The following ADAP1 variants were observed in gnomAD, a reference collection of about 807,000 sequenced individuals.
ADAP1 encodes the protein arf-GAP with dual PH domain-containing protein 1.
In ADAP1, 31 loss-of-function variants were observed where a neutral mutation model predicts 54.9. The ratio of observed to expected loss-of-function variants is 0.56; its 90% CI spans 0.42 to 0.76. The LOEUF (loss-of-function observed/expected upper bound fraction) is 0.76, where lower values mean the gene tolerates loss of function less well. ADAP1 is among the 30% of genes least tolerant of loss of function. ADAP1 has a pLI of 0.00. For synonymous variants in ADAP1, 313 were observed against 202.6 expected, an observed-to-expected ratio of 1.55 and a Z score of -4.63; for missense variants, 535 against 512.4, an observed-to-expected ratio of 1.04 and a Z score of -0.42.
intron 1 of ADAP1, among the ~76,000 whole-genome samples, chr7:942,408 G>T (rs1846970060): frequency 8.7e-6 from 1 of 114,620 alleles, no homozygotes. Context: ...AGGGAGAGAG[G>T]AGGAGGAAGG....
At chr7:935,116 C>T (rs1328618965) in intron 2 of ADAP1, 1 of 619,968 alleles carries the variant, frequency 1.6e-6, no homozygotes, top group Admixed American at 2.1e-5. Flanking sequence ...AATCGGCGAC[C>T]CGCCTTCGCT....
At position 898,828 on chromosome 7, in the gene ADAP1, A is replaced by G; in HGVS notation, c.*93T>C. Reference sequence around the variant, plus strand: ...GCTGCCCTGAGGAGCAGGTGGGGCCAGGTGGCCTCAGGACGCCAGAGCCCC... The same window carrying G: ...GCTGCCCTGAGGAGCAGGTGGGGCCGGGTGGCCTCAGGACGCCAGAGCCCC... On this transcript the variant is annotated 3_prime_UTR_variant, in exon 11 of 11. Coordinates refer to ENST00000265846, the MANE Select transcript of ADAP1 (RefSeq NM_006869.4). 1.3e-6 allele frequency: 2 copies of G among 1,514,780 alleles called. No individual in the cohort carries two copies. Among genetic ancestry groups the G allele is most frequent in the South Asian group, 1.2e-5 (1 of 83,398 alleles). The allele number at this position is 1,514,780 out of a possible 1,614,324, so 93.8% of individuals were successfully genotyped here.
chr7:915,107 C>A (rs1207302711), intron 4 of ADAP1, among the ~76,000 whole-genome samples: 1 of 151,680 alleles, frequency 6.6e-6, no homozygotes, highest in Non-Finnish European at 1.5e-5. Flanking sequence ...AGCAGCCACA[C>A]ACTCTGGAGC....
intron 4 of ADAP1, 199 bp from the exon 5 acceptor site, chr7:905,371 G>GAGAAGGA (rs376551972): frequency 1.7e-5 from 1 of 60,088 alleles, no homozygotes; most frequent in South Asian, 1.4e-4. Flanking sequence ...AAAGGGAAAG[G>GAGAAGGA]GAAAGGAGAA....
At chr7:950,053 T>A (rs142211934) in intron 1 of ADAP1, among the ~76,000 whole-genome samples, 166 of 152,332 alleles carry the variant, frequency 1.1e-3, no homozygotes, top group African/African-American at 4.0e-3. Context: ...AGTGTCCGCC[T>A]GCAGACAAAC....
At chr7:927,375 A>T (rs1407585684) in intron 2 of ADAP1, 1 of 645,836 alleles carries the variant, frequency 1.5e-6, no homozygotes, top group African/African-American at 1.9e-5. Context: ...GTGAGCCTTG[A>T]GCAGCAGGAG....
intron 2 of ADAP1, among the ~76,000 whole-genome samples, chr7:928,446 TTTTAA>T (rs1291217779): frequency 2.0e-4 from 30 of 152,226 alleles, no homozygotes; most frequent in African/African-American, 7.0e-4. Context: ...ATATGTATAC[TTTTAA>T]TTTGTTTTAA....
intron 1 of ADAP1, among the ~76,000 whole-genome samples, chr7:952,732 C>T (rs982734370): frequency 3.9e-5 from 6 of 152,182 alleles, no homozygotes; most frequent in African/African-American, 1.2e-4. Flanking sequence ...CCCTCCATGG[C>T]GCTACCCGAC....
Position 938,850 on chromosome 7 carries a change from G to T in ADAP1, c.83-3345C>A, listed in dbSNP as rs1846857264. ...ACGGACCCAGGCTTCCTGTCTCATG[G>T]CCTTTATCTGCCCATCTAGAAATTC... On this transcript the variant is annotated intron_variant, in intron 1 of 10. Coordinates refer to ENST00000265846, the MANE Select transcript of ADAP1 (RefSeq NM_006869.4). The surrounding 1 kb of genome is among the most constrained non-coding windows in gnomAD (Gnocchi z 4.4). Among the ~76,000 whole-genome samples, 1 of 152,226 alleles carries T rather than the reference G, an allele frequency of 6.6e-6. No homozygotes were observed. The highest frequency in any genetic ancestry group is 2.4e-5 in the African/African-American group (1 of 41,460).
upstream of ADAP1, chr7:954,833 G>GCCCGCCC (rs1847349241): frequency 1.6e-6 from 1 of 610,710 alleles, no homozygotes; most frequent in Admixed American, 6.4e-5. Flanking sequence ...ATCGCCCGCC[G>GCCCGCCC]CCCGCCCCCC....
In ADAP1 at chr7:935,492, G is replaced by A. The variant is rs1467159963; in HGVS notation, c.96C>T (p.Ala32=). The A allele has an allele frequency of 6.4e-7, 1 of 1,563,104 alleles. No homozygotes were observed. Among genetic ancestry groups the A allele is most frequent in the Non-Finnish European group, 8.7e-7 (1 of 1,154,012 alleles). The part of the protein sequence containing the change: ...ADCGAPDPDW[A]SYTLGVFICL... Reference sequence around the variant, plus strand: ...AGATGAAGACGCCCAGAGTGTAGGAGGCCCAGTCGGGATCTGCAAGGGAAA... The same window carrying A: ...AGATGAAGACGCCCAGAGTGTAGGAAGCCCAGTCGGGATCTGCAAGGGAAA... The change falls in exon 2 of 11, where the codon GCC becomes GCT. Residue 32 remains alanine, a synonymous_variant. Transcript: ENST00000265846.
chr7:926,858 C>T lies in ADAP1; in HGVS notation c.214-214G>A, dbSNP rs1846407861. 1 of 823,326 alleles carries T rather than the reference C, an allele frequency of 1.2e-6. No homozygotes were observed. Among genetic ancestry groups the T allele is most frequent in the Non-Finnish European group, 1.8e-6 (1 of 560,780 alleles). The allele number at this position is 823,326 out of a possible 1,614,324, so 51.0% of individuals were successfully genotyped here. ...CTGGGACAGGGAAGGAGCCAGCGTCCCTAACGACGGGGTCCCGGCAAAGGG... is the reference window on the plus strand; with the variant it reads ...CTGGGACAGGGAAGGAGCCAGCGTCTCTAACGACGGGGTCCCGGCAAAGGG... On this transcript the variant is annotated intron_variant, in intron 2 of 10. Transcript: ENST00000265846. The surrounding 1 kb of genome is among the most constrained non-coding windows in gnomAD (Gnocchi z 4.6).
At chr7:903,074 G>C (rs1453300085) in intron 6 of ADAP1, among the ~76,000 whole-genome samples, 3 of 152,178 alleles carry the variant, frequency 2.0e-5, no homozygotes, top group Admixed American at 1.3e-4. Flanking sequence ...GCAGGAGCGA[G>C]ATCTCCAGGC....
chr7:900,422 G>A (rs1844731167), intron 7 of ADAP1, 111 bp downstream of exon 7: 2 of 1,243,612 alleles, frequency 1.6e-6, no homozygotes, highest in African/African-American at 1.5e-5. Flanking sequence ...GCCAGTCCCA[G>A]GCCCACCCTA....
rs1183141363 is a variant in ADAP1, at chr7:945,214, G to A, written c.82+9182C>T. ...GGCAGGCCTCCTTCTCAGGCTGCTG[G>A]GCATGGCCAGGCCTGCCTGCATCCG... On this transcript the variant is annotated intron_variant, in intron 1 of 10. Transcript: ENST00000265846. This position sits in a 1 kb window ranked among gnomAD's most constrained non-coding sequence, Gnocchi z 4.2. 1.3e-5 allele frequency among the ~76,000 whole-genome samples: 2 copies of A among 152,196 alleles called. No homozygotes were observed. The highest frequency in any genetic ancestry group is 1.5e-5 in the Non-Finnish European group (1 of 68,022).
intron 6 of ADAP1, 61 bp downstream of exon 6, chr7:904,065 A>T (rs1844960890): frequency 3.8e-6 from 6 of 1,596,660 alleles, no homozygotes; most frequent in Middle Eastern, 2.2e-4. Flanking sequence ...TTCCTGCGCC[A>T]CCCGGGCCTG....
intron 4 of ADAP1, among the ~76,000 whole-genome samples, chr7:917,864 A>G (rs1186390891): frequency 2.0e-5 from 3 of 151,978 alleles, no homozygotes; most frequent in Non-Finnish European, 2.9e-5. Flanking sequence ...TCCGCCTCCC[A>G]GGCTCAAGAG....
At chr7:923,058 A>T (rs949261329) in intron 3 of ADAP1, 1 of 151,772 alleles carries the variant, frequency 6.6e-6, no homozygotes, top group African/African-American at 2.4e-5. Context: ...TAGGAAGGGG[A>T]ATTAGGACAC....
intron 1 of ADAP1, among the ~76,000 whole-genome samples, chr7:952,260 C>T (rs969904112): frequency 2.6e-5 from 4 of 152,198 alleles, no homozygotes; most frequent in Admixed American, 6.5e-5. Context: ...TTCCCTCACA[C>T]GGCCAGTGGG....
Sources: gnomAD v4.1 joint callset for allele counts (sites outside exome capture counted in the v4.1 genomes callset) on GRCh38, gnomAD v4.1.1 for gene constraint, Gnocchi (gnomAD v3.1) non-coding constraint, MANE v1.5 for transcripts, NCBI Gene and HGNC (gene_info 2026-07-23, HGNC 2026-07-21) for gene names.